The following CLMN variants were observed in gnomAD, a reference collection of about 807,000 sequenced individuals.
The protein encoded by CLMN is calmin.
CLMN carries 57 observed loss-of-function variants against 92.7 expected under a neutral mutation model. That is an observed-to-expected ratio of 0.61 (90% CI 0.50 to 0.77). The LOEUF (loss-of-function observed/expected upper bound fraction) is 0.77, where lower values mean the gene tolerates loss of function less well. CLMN is among the 30% of genes least tolerant of loss of function. CLMN has a pLI of 0.00. For missense variants in CLMN, 1,158 were observed against 1,237.5 expected, an observed-to-expected ratio of 0.94 and a Z score of 0.96; for synonymous variants, 466 against 470.6, an observed-to-expected ratio of 0.99 and a Z score of 0.13.
At chr14:95,219,693 C>T (rs187204190) in intron 4 of CLMN, among the ~76,000 whole-genome samples, 27 of 152,324 alleles carry the variant, frequency 1.8e-4, no homozygotes, top group African/African-American at 6.0e-4. Flanking sequence ...TACTCCAGGA[C>T]CTGTGCTGGC....
At chr14:95,215,754 A>G (rs771163005) in intron 4 of CLMN, 21 bp from the exon 5 acceptor site, 1 of 1,588,010 alleles carries the variant, frequency 6.3e-7, no homozygotes, top group Non-Finnish European at 8.6e-7. Context: ...GCAATTTATG[A>G]ACTTAAAGCG....
At chr14:95,247,816 T>C (rs1898629536) in intron 1 of CLMN, among the ~76,000 whole-genome samples, 1 of 151,924 alleles carries the variant, frequency 6.6e-6, no homozygotes, top group Admixed American at 6.6e-5. Context: ...GTGCAGGCCA[T>C]TAGCTGCTAC....
rs189933076 is a variant in CLMN at position 95,222,565 on chromosome 14, G to A, written c.241-791C>T. 1.5e-3 allele frequency: 701 copies of A among 455,674 alleles called. 12 individuals carry two copies. The Admixed American group carries it at 0.016, about 10-fold the overall frequency. The allele number at this position is 455,674 out of a possible 1,614,324, so 28.2% of individuals were successfully genotyped here. On this transcript the variant is annotated intron_variant, in intron 3 of 12. Transcript: ENST00000298912. ...CCAGAATCAAAGACTCCCCGTGGAG[G>A]CCCACCAAGGACACAGCAGCTGGTG...
At chr14:95,279,712 G>A (rs749687378) in intron 1 of CLMN, among the ~76,000 whole-genome samples, 1 of 152,240 alleles carries the variant, frequency 6.6e-6, no homozygotes, top group Non-Finnish European at 1.5e-5. Context: ...GAACCCAGGA[G>A]GCGGAGCTTG....
At chr14:95,195,034 C>T (rs1595551670) in intron 10 of CLMN, among the ~76,000 whole-genome samples, 2 of 152,166 alleles carry the variant, frequency 1.3e-5, no homozygotes, top group South Asian at 2.1e-4. Context: ...ATGCTTGCCT[C>T]GCACTTTTCA....
At chr14:95,204,594 A>C in intron 8 of CLMN, 131 bp from the exon 9 acceptor site, 1 of 866,040 alleles carries the variant, frequency 1.2e-6, no homozygotes, top group Non-Finnish European at 1.7e-6. Flanking sequence ...ACACAAACAA[A>C]CAAAAATGGA....
chr14:95,209,166 A>C (rs1234045939), intron 8 of CLMN, among the ~76,000 whole-genome samples: 1 of 152,236 alleles, frequency 6.6e-6, no homozygotes, highest in African/African-American at 2.4e-5. Flanking sequence ...TACTATCCGA[A>C]GTTTCAAGCA....
chr14:95,245,270 T>TAAATAA lies in CLMN; in HGVS notation c.83-15138_83-15137insTTATTT, dbSNP rs1427351722. ...TATATATATAATATATATATATATATTATATATATATAGTTTTGTTTTGTT... is the reference window on the plus strand; with the variant it reads ...TATATATATAATATATATATATATATAAATAATATATATATATAGTTTTGTTTTGTT... On this transcript the variant is annotated intron_variant, in intron 1 of 12. Transcript: ENST00000298912. Among the ~76,000 whole-genome samples the TAAATAA allele has an allele frequency of 8.4e-4, 45 of 53,714 alleles. 1 individual carries two copies. The highest frequency in any genetic ancestry group is 3.5e-3 in the African/African-American group (40 of 11,408). 35.2% of individuals were successfully genotyped at this position (53,714 alleles called of 152,430 possible).
intron 1 of CLMN, among the ~76,000 whole-genome samples, chr14:95,235,693 G>A (rs1423326966): frequency 6.6e-6 from 1 of 152,326 alleles, no homozygotes; most frequent in South Asian, 2.1e-4. Flanking sequence ...CTCATGAGAG[G>A]TGTTTTGCCT....
chr14:95,253,617 GT>G lies in CLMN; in HGVS notation c.83-23485del, dbSNP rs543744071. Among the ~76,000 whole-genome samples the G allele has an allele frequency of 8.9e-3, 1,241 of 140,026 alleles. 6 individuals are homozygous for G. The highest frequency in any genetic ancestry group is 9.4e-3 in the African/African-American group (334 of 35,390). 91.9% of individuals were successfully genotyped at this position (140,026 alleles called of 152,430 possible). A position where few individuals can be genotyped will look rare whatever the true frequency, so the allele number is the denominator to read the frequency against. On this transcript the variant is annotated intron_variant, in intron 1 of 12. Coordinates refer to ENST00000298912, the MANE Select transcript of CLMN (RefSeq NM_024734.4). ...TAACACAGTGTTTTTTTGTTTTTTT[GT>G]TTTTTTTTTTTTGAGACAGAGTCTC...
Position 95,253,620 on chromosome 14 carries a change from T to G in CLMN, c.83-23487A>C, listed in dbSNP as rs180862024. On this transcript the variant is annotated intron_variant, in intron 1 of 12. Coordinates refer to ENST00000298912, the MANE Select transcript of CLMN (RefSeq NM_024734.4). ...CACAGTGTTTTTTTGTTTTTTTGTT[T>G]TTTTTTTTTTGAGACAGAGTCTCTC... Among the ~76,000 whole-genome samples the G allele has an allele frequency of 2.2e-3, 326 of 151,214 alleles. 2 individuals are homozygous for G. The highest frequency in any genetic ancestry group is 3.7e-3 in the Non-Finnish European group (249 of 67,672).
At chr14:95,204,645 A>T (rs1321519764) in intron 8 of CLMN, among the ~76,000 whole-genome samples, 182 bp from the exon 9 acceptor site, 1 of 152,322 alleles carries the variant, frequency 6.6e-6, no homozygotes, top group African/African-American at 2.4e-5. Context: ...CTAAGATGTA[A>T]ATGGTTAGAG....
At position 95,227,396 on chromosome 14, in the gene CLMN, T is replaced by A. The variant is rs146389725; in HGVS notation, c.144+2676A>T. Among the ~76,000 whole-genome samples, 5 of 152,294 alleles carry A rather than the reference T, an allele frequency of 3.3e-5. No homozygotes were observed. In the East Asian group the frequency reaches 9.6e-4, roughly 29 times the overall value. Reference sequence around the variant, plus strand: ...TTTCTTTGCAAACTGCCGCAGCTCCTTGGGCACCTTCCACCCTGAGCATGA... The same window carrying A: ...TTTCTTTGCAAACTGCCGCAGCTCCATGGGCACCTTCCACCCTGAGCATGA... On this transcript the variant is annotated intron_variant, in intron 2 of 12. Coordinates refer to ENST00000298912, the MANE Select transcript of CLMN (RefSeq NM_024734.4).
chr14:95,292,022 GT>G (rs1900586890), intron 1 of CLMN, among the ~76,000 whole-genome samples: 1 of 152,354 alleles, frequency 6.6e-6, no homozygotes, highest in African/African-American at 2.4e-5. Context: ...AAGGGTTGAC[GT>G]GTTCCCACGT....
chr14:95,214,629 T>C (rs1280286150), intron 5 of CLMN, among the ~76,000 whole-genome samples: 1 of 152,066 alleles, frequency 6.6e-6, no homozygotes, highest in Admixed American at 6.6e-5. Context: ...TGGGATTATA[T>C]GCGTGAGCCA....
At chr14:95,200,395 C>A (rs1016118634) in intron 9 of CLMN, among the ~76,000 whole-genome samples, 1 of 152,178 alleles carries the variant, frequency 6.6e-6, no homozygotes, top group Non-Finnish European at 1.5e-5. Flanking sequence ...CCAGATGCAT[C>A]GCTTTCCATG....
At chr14:95,193,199 A>G in intron 12 of CLMN, 1 of 642,354 alleles carries the variant, frequency 1.6e-6, no homozygotes, top group Non-Finnish European at 2.7e-6. Flanking sequence ...AGGAATGGGG[A>G]CGTCTCAGAA....
At chr14:95,234,866 T>A (rs1898001442) in intron 1 of CLMN, among the ~76,000 whole-genome samples, 1 of 152,226 alleles carries the variant, frequency 6.6e-6, no homozygotes, top group Non-Finnish European at 1.5e-5. Context: ...GATGCACGCA[T>A]TAGGAGTTAA....
chr14:95,214,333 GGCT>G (rs1221047868), intron 5 of CLMN, among the ~76,000 whole-genome samples: 6 of 150,302 alleles, frequency 4.0e-5, no homozygotes, highest in African/African-American at 9.8e-5. Flanking sequence ...AACACATGGT[GGCT>G]GCTGCTGCTT....
Sources: gnomAD v4.1 joint callset for allele counts (sites outside exome capture counted in the v4.1 genomes callset) on GRCh38, gnomAD v4.1.1 for gene constraint, MANE v1.5 for transcripts, NCBI Gene and HGNC (gene_info 2026-07-23, HGNC 2026-07-21) for gene names.